The following ITFG1 variants were observed in gnomAD, a reference collection of about 807,000 sequenced individuals.
ITFG1 encodes the protein T-cell immunomodulatory protein.
Under a neutral mutation model 81.8 loss-of-function variants are expected in ITFG1, and 34 were observed. That is an observed-to-expected ratio of 0.42 (90% CI 0.32 to 0.55). The LOEUF is 0.55. Ranked by LOEUF, ITFG1 falls within the 20% of genes least tolerant of loss-of-function variation. The pLI, the probability that ITFG1 is intolerant of heterozygous loss-of-function variation, is 0.17. For missense variants in ITFG1, 672 were observed against 755.4 expected (o/e 0.89, Z 1.29); for synonymous variants, 285 against 270.6 (o/e 1.05, Z -0.52).
chr16:47,381,783 C>A (rs1003299020), intron 6 of ITFG1, among the ~76,000 whole-genome samples: 1 of 152,174 alleles, frequency 6.6e-6, no homozygotes, highest in Non-Finnish European at 1.5e-5. Flanking sequence ...ATCACTAAGA[C>A]AAACCAGGTC....
At chr16:47,355,646 T>C (rs537387061) in intron 8 of ITFG1, among the ~76,000 whole-genome samples, 1 of 152,206 alleles carries the variant, frequency 6.6e-6, no homozygotes, top group East Asian at 1.9e-4. Context: ...CCCACAAATA[T>C]GTATAAGTAT....
intron 14 of ITFG1, among the ~76,000 whole-genome samples, chr16:47,195,877 C>A (rs1369850728): frequency 6.6e-6 from 1 of 152,070 alleles, no homozygotes; most frequent in Non-Finnish European, 1.5e-5. Context: ...TCACCCTGCA[C>A]CCCCCAACAG....
At chr16:47,427,109 T>C (rs1291169023) in intron 6 of ITFG1, among the ~76,000 whole-genome samples, 3 of 152,122 alleles carry the variant, frequency 2.0e-5, no homozygotes, top group Non-Finnish European at 4.4e-5. Flanking sequence ...ATACCTGCAG[T>C]AGAGTGACAG....
At chr16:47,399,037 CA>C (rs577779517) in intron 6 of ITFG1, among the ~76,000 whole-genome samples, 101 of 152,296 alleles carry the variant, frequency 6.6e-4, no homozygotes, top group Non-Finnish European at 1.3e-3. Flanking sequence ...CCTCTCTTTA[CA>C]GACCAAAAAG....
intron 6 of ITFG1, among the ~76,000 whole-genome samples, chr16:47,387,813 C>T (rs1261569528): frequency 6.6e-6 from 1 of 151,606 alleles, no homozygotes; most frequent in African/African-American, 2.4e-5. Flanking sequence ...CATAAAGAAA[C>T]AGGAAAGTAT....
rs143076654 is a variant in ITFG1 at position 47,164,060 on chromosome 16, T to G, written c.1454-1396A>C. ...ATGTGTATTAGCCTACTTTCCTGTT[T>G]CTTTGTATGTCTTATAATTTTTGTT... is the stretch of plus-strand genomic sequence containing the variant. On this transcript the variant is annotated intron_variant, in intron 14 of 17. Coordinates refer to ENST00000320640, the MANE Select transcript of ITFG1 (RefSeq NM_030790.5). Among the ~76,000 whole-genome samples the G allele has an allele frequency of 1.8e-3, 268 of 152,272 alleles. 2 individuals carry two copies. Among genetic ancestry groups the G allele is most frequent in the African/African-American group, 6.1e-3 (254 of 41,546 alleles).
At chr16:47,202,131 T>G (rs2151521066) in intron 14 of ITFG1, 1 of 152,342 alleles carries the variant, frequency 6.6e-6, no homozygotes, top group East Asian at 1.9e-4. Context: ...GAGGCTATTG[T>G]TATTCTTTTA....
At chr16:47,365,056 T>C (rs1459232040) in intron 8 of ITFG1, among the ~76,000 whole-genome samples, 1 of 152,216 alleles carries the variant, frequency 6.6e-6, no homozygotes, top group Non-Finnish European at 1.5e-5. Flanking sequence ...TAATAGCCTT[T>C]AGAGGTGGAT....
intron 8 of ITFG1, among the ~76,000 whole-genome samples, chr16:47,325,227 G>C (rs1967516413): frequency 6.6e-6 from 1 of 152,142 alleles, no homozygotes; most frequent in Non-Finnish European, 1.5e-5. Flanking sequence ...AGTGACCACT[G>C]GGTACATAAC....
intron 14 of ITFG1, among the ~76,000 whole-genome samples, chr16:47,190,295 G>A (rs983669166): frequency 1.3e-5 from 2 of 152,156 alleles, no homozygotes; most frequent in African/African-American, 4.8e-5. Flanking sequence ...AACAAAAGGT[G>A]AGAAGAGTTT....
intron 8 of ITFG1, among the ~76,000 whole-genome samples, chr16:47,332,396 T>C (rs1291736210): frequency 2.6e-5 from 4 of 152,150 alleles, no homozygotes; most frequent in East Asian, 1.9e-4. Context: ...AGGAATTCTA[T>C]AGCAGCTTTT....
intron 10 of ITFG1, among the ~76,000 whole-genome samples, chr16:47,276,078 G>A (rs553841921): frequency 2.6e-5 from 4 of 151,964 alleles, no homozygotes; most frequent in African/African-American, 9.6e-5. Context: ...GACTAAAAAA[G>A]AAAGAAGAGA....
intron 14 of ITFG1, among the ~76,000 whole-genome samples, chr16:47,168,141 C>T (rs565445088): frequency 6.6e-6 from 1 of 152,292 alleles, no homozygotes; most frequent in African/African-American, 2.4e-5. Context: ...GAAGTGGTAA[C>T]TCAGTCTGGT....
rs1214999361 is a variant in ITFG1 at position 47,452,725 on chromosome 16, A to C, written c.485+8T>G. ...AAATCGTTTCAAAGGAAGCAAGCCC[A>C]TACTTACTCCATAATTAGTGGCTCA... On this transcript the variant is annotated splice_region_variant and intron_variant, in intron 4 of 17. Transcript: ENST00000320640. 1 of 1,569,006 alleles carries C rather than the reference A, an allele frequency of 6.4e-7. No homozygotes were observed.
chr16:47,320,305 GATTTACTAAT>G (rs1231599897), intron 8 of ITFG1, among the ~76,000 whole-genome samples: 1 of 152,086 alleles, frequency 6.6e-6, no homozygotes, highest in East Asian at 1.9e-4. Context: ...TTTTATCTGT[GATTTACTAAT>G]ATTTTGCTTT....
At chr16:47,186,084 C>A (rs1965210751) in intron 14 of ITFG1, among the ~76,000 whole-genome samples, 1 of 152,056 alleles carries the variant, frequency 6.6e-6, no homozygotes, top group Non-Finnish European at 1.5e-5. Flanking sequence ...TCTGAATAGA[C>A]CAATAACAGG....
chr16:47,360,836 C>T (rs1219259635), intron 8 of ITFG1, among the ~76,000 whole-genome samples: 1 of 152,140 alleles, frequency 6.6e-6, no homozygotes, highest in Non-Finnish European at 1.5e-5. Context: ...ATCAGCTCCA[C>T]GATGGTTAAT....
At chr16:47,332,623 C>T (rs1030186127) in intron 8 of ITFG1, among the ~76,000 whole-genome samples, 1 of 152,174 alleles carries the variant, frequency 6.6e-6, no homozygotes, top group Non-Finnish European at 1.5e-5. Flanking sequence ...TATAAAAGGC[C>T]ATAGAAATTA....
chr16:47,416,337 T>C (rs1446020318), intron 6 of ITFG1, among the ~76,000 whole-genome samples: 1 of 152,162 alleles, frequency 6.6e-6, no homozygotes, highest in African/African-American at 2.4e-5. Context: ...ATTTGACTAT[T>C]TAAAAAAATT....
Sources: allele counts gnomAD v4.1 joint callset (sites outside exome capture counted in the v4.1 genomes callset), GRCh38; gene constraint gnomAD v4.1.1; transcripts MANE v1.5; gene names NCBI Gene and HGNC (gene_info 2026-07-23, HGNC 2026-07-21).